MYO1B: variants seen among roughly 807,000 people sequenced by gnomAD.
The protein encoded by MYO1B is myosin IB, also known as unconventional myosin-Ib.
In MYO1B, 72 loss-of-function variants were observed where a neutral mutation model predicts 159.7. The ratio of observed to expected loss-of-function variants is 0.45; its 90% CI spans 0.37 to 0.55. MYO1B has a LOEUF of 0.55. Ranked by LOEUF, MYO1B falls within the 20% of genes least tolerant of loss-of-function variation. MYO1B has a pLI of 0.00. For missense variants in MYO1B, 1,062 were observed against 1,364.8 expected, an observed-to-expected ratio of 0.78 and a Z score of 3.50; for synonymous variants, 468 against 473.8, an observed-to-expected ratio of 0.99 and a Z score of 0.16.
At chr2:191,307,104 A>T (rs1251140137) in intron 3 of MYO1B, among the ~76,000 whole-genome samples, 1 of 152,210 alleles carries the variant, frequency 6.6e-6, no homozygotes, top group African/African-American at 2.4e-5. Flanking sequence ...CCATGAACAG[A>T]GCAGCCCTGA....
intron 3 of MYO1B, among the ~76,000 whole-genome samples, chr2:191,323,207 T>A (rs1690842857): frequency 6.6e-6 from 1 of 152,096 alleles, no homozygotes; most frequent in African/African-American, 2.4e-5. Flanking sequence ...CATCTTGGTT[T>A]TGGTGAGTTT....
chr2:191,296,585 A>C (rs1688998900), intron 3 of MYO1B, among the ~76,000 whole-genome samples: 1 of 152,192 alleles, frequency 6.6e-6, no homozygotes, highest in South Asian at 2.1e-4. Flanking sequence ...TGGGCCAAGA[A>C]AAATCCTGAG....
At chr2:191,311,147 G>C (rs1689979823) in intron 3 of MYO1B, among the ~76,000 whole-genome samples, 1 of 152,216 alleles carries the variant, frequency 6.6e-6, no homozygotes, top group African/African-American at 2.4e-5. Flanking sequence ...CTCAGTTACA[G>C]TAGGAACTTC....
Position 191,387,443 on chromosome 2 carries a change from T to C in MYO1B, c.1774T>C (p.Tyr592His). The C allele has an allele frequency of 6.2e-7, 1 of 1,613,968 alleles. No homozygotes were observed. The highest frequency in any genetic ancestry group is 8.5e-7 in the Non-Finnish European group (1 of 1,179,846). Residue 592 changes from tyrosine to histidine, a missense_variant, in exon 17 of 31, where the codon TAT becomes CAT. Around this residue, in one of 5 missense-constraint regions of MYO1B, gnomAD observed 609 missense variants for 744.4 expected, o/e 0.82. Transcript: ENST00000392318. The part of the protein sequence containing the change: ...MKNLQTKNPN[Y>H]IRCIKPNDKK... Reference sequence around the variant, plus strand: ...AAACCTACAGACCAAGAACCCAAACTATATTAGGTATTTTTGGCACATGAA... The same window carrying C: ...AAACCTACAGACCAAGAACCCAAACCATATTAGGTATTTTTGGCACATGAA...
chr2:191,397,870 G>C (rs1696243751), intron 21 of MYO1B, among the ~76,000 whole-genome samples: 1 of 142,018 alleles, frequency 7.0e-6, no homozygotes, highest in Admixed American at 6.8e-5. Flanking sequence ...CAGGCAGAGG[G>C]GCTCCTCACT....
In MYO1B at chr2:191,419,782, A is replaced by G. The variant is rs192787494; in HGVS notation, c.3287+3540A>G. Among the ~76,000 whole-genome samples, 359 of 152,286 alleles carry G rather than the reference A, an allele frequency of 2.4e-3. 1 individual carries two copies. The highest frequency in any genetic ancestry group is 0.02 in the Middle Eastern group (6 of 294). ...TCTTAGTTTTTAACAAAAAGTTTAA[A>G]AAGTAAAAATAAAAAAAATTAAAAT... On this transcript the variant is annotated intron_variant, in intron 30 of 30. Coordinates refer to ENST00000392318, the MANE Select transcript of MYO1B (RefSeq NM_001130158.3).
chr2:191,265,048 G>T (rs1318542361), intron 1 of MYO1B, among the ~76,000 whole-genome samples: 1 of 152,060 alleles, frequency 6.6e-6, no homozygotes. Context: ...TGTAACCTAT[G>T]ATCTGTTGCA....
At chr2:191,298,569 G>A (rs975107542) in intron 3 of MYO1B, among the ~76,000 whole-genome samples, 1 of 152,124 alleles carries the variant, frequency 6.6e-6, no homozygotes, top group Non-Finnish European at 1.5e-5. Flanking sequence ...TTAGGCGCAT[G>A]TAAGTCTGAG....
rs34100174 is a variant in MYO1B, at chr2:191,283,579, G to A, written c.135+6549G>A. Reference sequence around the variant, plus strand: ...TATTATTCATTTAATTTTCACTAGAGTCCTATGTACTATAGGTTTTTAAAT... The same window carrying A: ...TATTATTCATTTAATTTTCACTAGAATCCTATGTACTATAGGTTTTTAAAT... On this transcript the variant is annotated intron_variant, in intron 2 of 30. Transcript: ENST00000392318. Among the ~76,000 whole-genome samples, 5 of 152,096 alleles carry A rather than the reference G, an allele frequency of 3.3e-5. No homozygotes were observed. In the South Asian group the frequency reaches 1.0e-3, roughly 32 times the overall value.
chr2:191,277,245 C>T (rs1354012122), intron 2 of MYO1B, among the ~76,000 whole-genome samples: 1 of 152,098 alleles, frequency 6.6e-6, no homozygotes, highest in East Asian at 1.9e-4. Context: ...CAACTGTGTG[C>T]AAGTATTGTA....
At chr2:191,337,856 T>G (rs1691958573) in intron 4 of MYO1B, among the ~76,000 whole-genome samples, 1 of 152,172 alleles carries the variant, frequency 6.6e-6, no homozygotes, top group African/African-American at 2.4e-5. Flanking sequence ...AATGCAGTTT[T>G]TCATTATAGA....
rs375136609 is a variant in MYO1B at position 191,386,106 on chromosome 2, C to T, written c.1554+22C>T. 7 of 1,611,372 alleles carry T rather than the reference C, an allele frequency of 4.3e-6. No individual in the cohort carries two copies. The African/African-American group carries it at 8.0e-5, about 18-fold the overall frequency. On this transcript the variant is annotated intron_variant, in intron 16 of 30. Transcript: ENST00000392318. ...AAAGGTATGGGGGAGCTGTGAGCAC[C>T]CAGTCAGGCCTGCCAAGTTACCCCT...
intron 1 of MYO1B, among the ~76,000 whole-genome samples, chr2:191,270,023 T>C (rs1194889934): frequency 6.6e-6 from 1 of 152,162 alleles, no homozygotes; most frequent in African/African-American, 2.4e-5. Flanking sequence ...GTCGATAATA[T>C]GGGTTGCTAA....
chr2:191,355,490 T>TA (rs762974213), intron 7 of MYO1B, among the ~76,000 whole-genome samples: 1 of 152,322 alleles, frequency 6.6e-6, no homozygotes, highest in African/African-American at 2.4e-5. Flanking sequence ...TTATTACTGT[T>TA]AAAGGCAAGG....
In MYO1B at chr2:191,303,685, A is replaced by T. The variant is rs1279859453; in HGVS notation, c.251+7459A>T. The stretch of plus-strand genomic sequence containing the variant: ...TTAGAAGGGAAAAAGGGAAGAGCAG[A>T]GGAAGGGAAGCTTTCATGAAAAAAA... On this transcript the variant is annotated intron_variant, in intron 3 of 30. Coordinates refer to ENST00000392318, the MANE Select transcript of MYO1B (RefSeq NM_001130158.3). Among the ~76,000 whole-genome samples, 3 of 146,208 alleles carry T rather than the reference A, an allele frequency of 2.1e-5. No individual in the cohort carries two copies. In the East Asian group the frequency reaches 6.0e-4, roughly 29 times the overall value.
chr2:191,379,571 A>G (rs1053733703), intron 13 of MYO1B, among the ~76,000 whole-genome samples: 1 of 152,186 alleles, frequency 6.6e-6, no homozygotes, highest in Admixed American at 6.5e-5. Flanking sequence ...GTCTGAGGAC[A>G]CTAGTGCTTT....
intron 11 of MYO1B, among the ~76,000 whole-genome samples, chr2:191,369,204 ACT>A (rs1382330657): frequency 1.3e-5 from 2 of 152,148 alleles, no homozygotes; most frequent in Non-Finnish European, 2.9e-5. Context: ...ATGTAACATT[ACT>A]CTCAGTGCAT....
chr2:191,263,256 T>C (rs1378110266), intron 1 of MYO1B: 2 of 931,970 alleles, frequency 2.1e-6, no homozygotes, highest in Admixed American at 6.2e-5. Flanking sequence ...CCCCTTCTTA[T>C]CTGCTTGCAA....
chr2:191,344,816 C>T (rs1319329749), intron 5 of MYO1B, among the ~76,000 whole-genome samples: 3 of 112,828 alleles, frequency 2.7e-5, no homozygotes, highest in Admixed American at 1.2e-4. Flanking sequence ...GGCGACAGAG[C>T]GAGACTCCGT....
Sources: allele counts gnomAD v4.1 joint callset (sites outside exome capture counted in the v4.1 genomes callset), GRCh38; gene constraint gnomAD v4.1.1; regional missense constraint gnomAD v4.1.1; transcripts MANE v1.5; gene names NCBI Gene and HGNC (gene_info 2026-07-23, HGNC 2026-07-21).